The following SMC3 variants were observed in gnomAD, a reference collection of about 807,000 sequenced individuals.
The protein encoded by SMC3 is structural maintenance of chromosomes 3.
Under a neutral mutation model 171.8 loss-of-function variants are expected in SMC3, and 20 were observed. That is an observed-to-expected ratio of 0.12 (90% confidence interval 0.08 to 0.17). The LOEUF is 0.17. Ranked by LOEUF, SMC3 falls within the 10% of genes least tolerant of loss-of-function variation. The pLI is 1.00. For synonymous variants in SMC3, 464 were observed against 451.1 expected (o/e 1.03, Z -0.36); for missense variants, 543 against 1,420.4 (o/e 0.38, Z 9.93).
At position 110,592,961 on chromosome 10, in the gene SMC3, A is replaced by G. The variant is rs185965553; in HGVS notation, c.1813-112A>G. The G allele has an allele frequency of 5.4e-6, 5 of 922,252 alleles. No homozygotes were observed. The African/African-American group carries it at 8.2e-5, about 15-fold the overall frequency. The allele number at this position is 922,252 out of a possible 1,614,324, so 57.1% of individuals were successfully genotyped here. A position where few individuals can be genotyped will look rare whatever the true frequency, so the allele number is the denominator to read the frequency against. ...TTCAGGGAAAACGCCAATCGTTTTG[A>G]AATATAATGGTGTTTATGGTTTATT... On this transcript the variant is annotated intron_variant, in intron 17 of 28. Coordinates refer to ENST00000361804, the MANE Select transcript of SMC3 (RefSeq NM_005445.4).
chr10:110,575,189 C>T (rs1860929348), intron 3 of SMC3, 147 bp from the exon 4 acceptor site: 2 of 650,386 alleles, frequency 3.1e-6, no homozygotes, highest in Admixed American at 2.4e-5. Context: ...GGCACATTTT[C>T]TGCATTTCCT....
intron 1 of SMC3, among the ~76,000 whole-genome samples, 176 bp downstream of exon 1, chr10:110,568,007 G>A (rs1474277596): frequency 6.6e-6 from 1 of 152,250 alleles, no homozygotes; most frequent in Non-Finnish European, 1.5e-5. Context: ...CGGCTGCGGG[G>A]TCGCGGAGAA....
chr10:110,594,209 T>A (rs1027240922), intron 18 of SMC3, among the ~76,000 whole-genome samples: 8 of 151,698 alleles, frequency 5.3e-5, no homozygotes, highest in Non-Finnish European at 7.4e-5. Flanking sequence ...AAATTTATTT[T>A]TTTTTTACTT....
Position 110,587,456 on chromosome 10 carries a change from C to T in SMC3, c.1306-2149C>T, listed in dbSNP as rs539842495. Among the ~76,000 whole-genome samples, 33 of 152,182 alleles carry T rather than the reference C, an allele frequency of 2.2e-4. No individual in the cohort carries two copies. In the Middle Eastern group the frequency reaches 0.027, roughly 125 times the overall value. ...CAGCACTTTGGGAGGCCGAGGTGGACGGATCACGAGGTCAGGAGATCGAGA... is the reference window on the plus strand; with the variant it reads ...CAGCACTTTGGGAGGCCGAGGTGGATGGATCACGAGGTCAGGAGATCGAGA... On this transcript the variant is annotated intron_variant, in intron 13 of 28. Transcript: ENST00000361804.
chr10:110,577,305 G>A (rs1333096007), intron 4 of SMC3, 116 bp from the exon 5 acceptor site: 8 of 754,586 alleles, frequency 1.1e-5, no homozygotes, highest in Non-Finnish European at 1.9e-5. Context: ...TATGAATCTA[G>A]CAGAAATTTT....
chr10:110,568,885 A>G, intron 1 of SMC3, 53 bp from the exon 2 acceptor site: 1 of 1,021,042 alleles, frequency 9.8e-7, no homozygotes, highest in South Asian at 1.3e-5. Context: ...GCAAGAGAAA[A>G]ATGTTAATTT....
intron 6 of SMC3, 114 bp downstream of exon 6, chr10:110,578,028 C>T: frequency 1.4e-6 from 1 of 728,418 alleles, no homozygotes; most frequent in Non-Finnish European, 2.4e-6. Flanking sequence ...TCCACCTCGG[C>T]TTCCTAAAGT....
At chr10:110,603,607 C>T (rs536160526) in intron 28 of SMC3, among the ~76,000 whole-genome samples, 5 of 152,058 alleles carry the variant, frequency 3.3e-5, no homozygotes, top group African/African-American at 9.6e-5. Context: ...GGGTGTCTTC[C>T]CAACCTTAAA....
intron 18 of SMC3, among the ~76,000 whole-genome samples, chr10:110,595,914 GTTC>G (rs1239316423): frequency 0.012 from 345 of 28,874 alleles, 2 homozygotes; most frequent in African/African-American, 0.035. Context: ...TCAACTGGAG[GTTC>G]TTTTTTTTTT....
chr10:110,599,851 A>G, intron 21 of SMC3, 39 bp downstream of exon 21: 1 of 1,601,498 alleles, frequency 6.2e-7, no homozygotes. Flanking sequence ...TTCGTTAGTA[A>G]TTGGCTATTG....
intron 18 of SMC3, among the ~76,000 whole-genome samples, chr10:110,595,068 C>T (rs555766382): frequency 3.7e-4 from 56 of 151,846 alleles, no homozygotes; most frequent in African/African-American, 1.2e-3. Context: ...CTACAACCTC[C>T]GCCTCGCAGG....
chr10:110,583,662 G>A lies in SMC3; in HGVS notation c.969+114G>A, dbSNP rs190753751. 1.9e-4 allele frequency: 238 copies of A among 1,234,660 alleles called. No homozygotes were observed. In the African/African-American group the frequency reaches 3.2e-3, roughly 16 times the overall value. 76.5% of individuals were successfully genotyped at this position (1,234,660 alleles called of 1,614,324 possible). Reference sequence around the variant, plus strand: ...GGAATTTTTTTTTAAGCTTTGCTACGTTAGCATAATTTGTACTCAAGTAAC... The same window carrying A: ...GGAATTTTTTTTTAAGCTTTGCTACATTAGCATAATTTGTACTCAAGTAAC... On this transcript the variant is annotated intron_variant, in intron 11 of 28. Transcript: ENST00000361804.
At chr10:110,589,826 CTG>C in intron 14 of SMC3, 64 bp from the exon 15 acceptor site, 1 of 1,518,482 alleles carries the variant, frequency 6.6e-7, no homozygotes, top group South Asian at 1.1e-5. Context: ...TGATTCTAAA[CTG>C]TATACTGTTA....
At chr10:110,588,389 G>C (rs770060196) in intron 13 of SMC3, among the ~76,000 whole-genome samples, 1 of 152,184 alleles carries the variant, frequency 6.6e-6, no homozygotes, top group Admixed American at 6.5e-5. Flanking sequence ...CAAAAAGTCA[G>C]TGTTACTACT....
intron 11 of SMC3, 145 bp from the exon 12 acceptor site, chr10:110,583,696 A>C (rs1395910398): frequency 1.7e-6 from 2 of 1,189,970 alleles, no homozygotes; most frequent in African/African-American, 1.5e-5. Context: ...ACAACTTGGT[A>C]CTGTCCCTTT....
Position 110,584,367 on chromosome 10 carries a change from A to G in SMC3, c.1276A>G (p.Asn426Asp). The change falls in exon 13 of 29, where the codon AAT (asparagine) becomes GAT (aspartate). Residue 426 changes from asparagine to aspartate, a missense_variant. By Grantham distance (23) the Asn-to-Asp change is conservative. Transcript: ENST00000361804. ...IHKDLEDTEA[N>D]KEKNLEQYNK... The stretch of plus-strand genomic sequence containing the variant: ...TAAGGATTTGGAAGACACTGAAGCA[A>G]ATAAAGAGAAAAATCTGGAGCAGTA... The G allele has an allele frequency of 6.2e-7, 1 of 1,613,508 alleles. No homozygotes were observed. The highest frequency in any genetic ancestry group is 1.7e-4 in the Middle Eastern group (1 of 5,908).
chr10:110,599,631 A>C, intron 20 of SMC3, 23 bp from the exon 21 acceptor site: 1 of 1,607,732 alleles, frequency 6.2e-7, no homozygotes, highest in Non-Finnish European at 8.5e-7. Context: ...ATACCTTACT[A>C]ATAAATGGAT....
At chr10:110,603,041 T>C (rs1380117142) in intron 27 of SMC3, 39 bp downstream of exon 27, 17 of 1,603,474 alleles carry the variant, frequency 1.1e-5, no homozygotes, top group East Asian at 2.2e-5. Flanking sequence ...TATTTAACAA[T>C]AAGCTGGTAA....
chr10:110,571,709 A>G (rs1860875695), intron 2 of SMC3, among the ~76,000 whole-genome samples: 1 of 152,186 alleles, frequency 6.6e-6, no homozygotes, highest in African/African-American at 2.4e-5. Flanking sequence ...ATCTGGGGCC[A>G]CATATAAACT....
Sources: gnomAD v4.1 joint callset for allele counts (sites outside exome capture counted in the v4.1 genomes callset) on GRCh38, gnomAD v4.1.1 for gene constraint, MANE v1.5 for transcripts, NCBI Gene and HGNC (gene_info 2026-07-23, HGNC 2026-07-21) for gene names.